CDK14: variants seen among roughly 807,000 people sequenced by gnomAD.
The protein encoded by CDK14 is cyclin dependent kinase 14.
A neutral mutation model predicts 60.7 loss-of-function variants in CDK14; 34 were observed. The observed-to-expected ratio is 0.56, with a 90% confidence interval of 0.43 to 0.75. CDK14 has a LOEUF of 0.75. CDK14 is among the 30% of genes least tolerant of loss of function. The pLI is 0.00. For synonymous variants in CDK14, 197 were observed against 203.7 expected (o/e 0.97, Z 0.28); for missense variants, 482 against 564.1 (o/e 0.85, Z 1.47).
At chr7:90,829,823 G>A (rs148515542) in intron 5 of CDK14, among the ~76,000 whole-genome samples, 97 of 152,296 alleles carry the variant, frequency 6.4e-4, no homozygotes, top group African/African-American at 2.1e-3. Context: ...ATGAGACACT[G>A]CCCGGCTAGT....
intron 7 of CDK14, among the ~76,000 whole-genome samples, chr7:90,908,397 C>G (rs1792781550): frequency 6.6e-6 from 1 of 152,096 alleles, no homozygotes; most frequent in Admixed American, 6.6e-5. Context: ...ACACTCTTTC[C>G]TAGAGATCCG....
intron 14 of CDK14, among the ~76,000 whole-genome samples, chr7:91,179,664 G>C (rs1178587566): frequency 1.3e-5 from 2 of 152,074 alleles, no homozygotes; most frequent in Middle Eastern, 6.8e-3. Flanking sequence ...TTAGCCGGGC[G>C]TGGTGGCGGG....
At chr7:91,052,265 T>C (rs1797414399) in intron 11 of CDK14, among the ~76,000 whole-genome samples, 1 of 152,200 alleles carries the variant, frequency 6.6e-6, no homozygotes, top group Admixed American at 6.5e-5. Flanking sequence ...TTCCCTAACA[T>C]TAGTGTCAGA....
intron 14 of CDK14, among the ~76,000 whole-genome samples, chr7:91,168,267 A>G (rs1048891157): frequency 1.3e-5 from 2 of 151,920 alleles, no homozygotes; most frequent in Non-Finnish European, 2.9e-5. Context: ...TCTCAAAAAA[A>G]AAAAAAAAAG....
chr7:91,063,579 A>G (rs1042133891), intron 11 of CDK14, among the ~76,000 whole-genome samples: 1 of 152,194 alleles, frequency 6.6e-6, no homozygotes, highest in African/African-American at 2.4e-5. Flanking sequence ...CCAATTAATA[A>G]TCTCTCAACT....
At position 91,069,070 on chromosome 7, in the gene CDK14, A is replaced by G. The variant is rs960013078; in HGVS notation, c.1106-10362A>G. Among the ~76,000 whole-genome samples the G allele has an allele frequency of 2.6e-5, 4 of 152,196 alleles. 1 individual carries two copies. Among genetic ancestry groups the G allele is most frequent in the South Asian group, 4.1e-4 (2 of 4,836 alleles). Reference sequence around the variant, plus strand: ...TATACCTGACACACAGTAGTTGCTCAATACATAGTAGTTGAAATGAATGAA... The same window carrying G: ...TATACCTGACACACAGTAGTTGCTCGATACATAGTAGTTGAAATGAATGAA... On this transcript the variant is annotated intron_variant, in intron 11 of 14. Coordinates refer to ENST00000380050, the MANE Select transcript of CDK14 (RefSeq NM_001287135.2).
At chr7:91,161,995 A>G (rs1801179842) in intron 14 of CDK14, among the ~76,000 whole-genome samples, 1 of 152,220 alleles carries the variant, frequency 6.6e-6, no homozygotes, top group African/African-American at 2.4e-5. Flanking sequence ...TAGATTAGCT[A>G]TTCTGCCCTC....
rs1799193433 is a variant in CDK14, at chr7:90,596,721, G to C, written c.91+3G>C. 5 of 1,609,680 alleles carry C rather than the reference G, an allele frequency of 3.1e-6. No individual in the cohort carries two copies. The highest frequency in any genetic ancestry group is 4.2e-6 in the Non-Finnish European group (5 of 1,177,422). On this transcript the variant is annotated splice_donor_region_variant and intron_variant, in intron 1 of 14. Coordinates refer to ENST00000380050, the MANE Select transcript of CDK14 (RefSeq NM_001287135.2). ...GTCGGAGAGTTTCAGTCGCATTGGTGAGTAGCGCGCTGCCCCCGGCCCCCC... is the reference window on the plus strand; with the variant it reads ...GTCGGAGAGTTTCAGTCGCATTGGTCAGTAGCGCGCTGCCCCCGGCCCCCC...
chr7:91,113,267 A>G (rs1173476290), intron 13 of CDK14, among the ~76,000 whole-genome samples: 1 of 152,226 alleles, frequency 6.6e-6, no homozygotes, highest in African/African-American at 2.4e-5. Context: ...ACATGTACAG[A>G]CTGAAGACAT....
chr7:91,132,921 T>C lies in CDK14; in HGVS notation c.*28+14713T>C, dbSNP rs187724785. Among the ~76,000 whole-genome samples, 505 of 152,278 alleles carry C rather than the reference T, an allele frequency of 3.3e-3. 4 individuals carry two copies. The highest frequency in any genetic ancestry group is 0.011 in the African/African-American group (476 of 41,578). On this transcript the variant is annotated intron_variant, in intron 14 of 14. Transcript: ENST00000380050. ...ACATTTATCAGCATATTACAACATG[T>C]TTCTTAAAAGTAATATGTAAATTAT... is the stretch of plus-strand genomic sequence containing the variant.
intron 5 of CDK14, among the ~76,000 whole-genome samples, chr7:90,856,625 A>G (rs1790828031): frequency 6.6e-6 from 1 of 152,192 alleles, no homozygotes; most frequent in Non-Finnish European, 1.5e-5. Flanking sequence ...TAAACAAGCA[A>G]TCCTGTCTCT....
chr7:91,187,590 A>G (rs1256581971), intron 14 of CDK14, among the ~76,000 whole-genome samples: 2 of 152,194 alleles, frequency 1.3e-5, no homozygotes, highest in East Asian at 3.9e-4. Context: ...TGCCAAGAAG[A>G]TTAAGGACAC....
chr7:91,114,361 A>G (rs988766017), intron 13 of CDK14, among the ~76,000 whole-genome samples: 2 of 152,214 alleles, frequency 1.3e-5, no homozygotes, highest in Non-Finnish European at 2.9e-5. Flanking sequence ...ATCACTCGGC[A>G]GCAGACTGCC....
chr7:90,820,048 C>A (rs534091780), intron 5 of CDK14, among the ~76,000 whole-genome samples: 1 of 152,044 alleles, frequency 6.6e-6, no homozygotes, highest in Non-Finnish European at 1.5e-5. Flanking sequence ...GCGCCCCCAA[C>A]CCCACTTTTT....
intron 7 of CDK14, among the ~76,000 whole-genome samples, chr7:90,915,404 G>A (rs1028281832): frequency 2.0e-5 from 3 of 152,110 alleles, no homozygotes; most frequent in Non-Finnish European, 4.4e-5. Context: ...GTGCCACTGT[G>A]CTCCAAAAAG....
chr7:90,615,254 T>C (rs932602605), intron 2 of CDK14, among the ~76,000 whole-genome samples: 1 of 152,226 alleles, frequency 6.6e-6, no homozygotes, highest in African/African-American at 2.4e-5. Flanking sequence ...CTTTCACTGA[T>C]TAAGAATATC....
chr7:90,622,113 C>A (rs892609412), intron 2 of CDK14, among the ~76,000 whole-genome samples: 1 of 152,204 alleles, frequency 6.6e-6, no homozygotes, highest in African/African-American at 2.4e-5. Context: ...AAACGAAGTA[C>A]AATGGAAGTG....
intron 4 of CDK14, among the ~76,000 whole-genome samples, chr7:90,772,901 G>T (rs1005882112): frequency 6.6e-6 from 1 of 151,912 alleles, no homozygotes; most frequent in African/African-American, 2.4e-5. Context: ...ATTTACATAT[G>T]AAAAAAACCT....
intron 10 of CDK14, among the ~76,000 whole-genome samples, chr7:91,025,411 A>G (rs1796542799): frequency 6.6e-6 from 1 of 152,134 alleles, no homozygotes; most frequent in East Asian, 1.9e-4. Flanking sequence ...TTCAAGCAGG[A>G]GGTAGTTTAA....
Sources: gnomAD v4.1 joint callset for allele counts (sites outside exome capture counted in the v4.1 genomes callset) on GRCh38, gnomAD v4.1.1 for gene constraint, MANE v1.5 for transcripts, NCBI Gene and HGNC (gene_info 2026-07-23, HGNC 2026-07-21) for gene names.